ZNF407: variants seen among roughly 807,000 people sequenced by gnomAD.
ZNF407 encodes the protein zinc finger protein 407.
In ZNF407, 17 loss-of-function variants were observed where a neutral mutation model predicts 131.2. The observed-to-expected ratio is 0.13, with a 90% CI of 0.09 to 0.19. ZNF407 has a LOEUF of 0.19. ZNF407 is among the 10% of genes least tolerant of loss of function. The probability of loss-of-function intolerance (pLI) is 1.00; values close to 1 mark genes in which losing one functional copy is unlikely to be tolerated. For missense variants in ZNF407, 2,681 were observed against 2,830.6 expected, an observed-to-expected ratio of 0.95 and a Z score of 1.20; for synonymous variants, 1,156 against 1,062.0, an observed-to-expected ratio of 1.09 and a Z score of -1.72.
chr18:75,043,002 A>G (rs1973391589), intron 8 of ZNF407, among the ~76,000 whole-genome samples: 1 of 152,132 alleles, frequency 6.6e-6, no homozygotes, highest in African/African-American at 2.4e-5. Context: ...CCTACTGTCA[A>G]TGTTTGGCAA....
intron 8 of ZNF407, among the ~76,000 whole-genome samples, chr18:74,991,442 G>A (rs923535585): frequency 6.6e-6 from 1 of 152,112 alleles, no homozygotes; most frequent in Non-Finnish European, 1.5e-5. Flanking sequence ...ATAGCAATTA[G>A]GCCATTTTCT....
intron 3 of ZNF407, among the ~76,000 whole-genome samples, chr18:74,756,765 C>A (rs1968974041): frequency 6.6e-6 from 1 of 152,016 alleles, no homozygotes; most frequent in Non-Finnish European, 1.5e-5. Context: ...ACTCTTCATT[C>A]AGTTGCTTTA....
intron 8 of ZNF407, among the ~76,000 whole-genome samples, chr18:75,023,311 G>A (rs1459165638): frequency 6.6e-6 from 1 of 151,912 alleles, no homozygotes; most frequent in African/African-American, 2.4e-5. Flanking sequence ...TTACCACTTA[G>A]CATATGTCAT....
At chr18:74,938,058 C>T (rs576250303) in intron 8 of ZNF407, among the ~76,000 whole-genome samples, 1 of 152,282 alleles carries the variant, frequency 6.6e-6, no homozygotes, top group African/African-American at 2.4e-5. Flanking sequence ...CATTTTAATT[C>T]ATGACCTCTT....
chr18:74,881,242 G>A (rs1971234142), intron 6 of ZNF407, 123 bp downstream of exon 6: 5 of 745,372 alleles, frequency 6.7e-6, no homozygotes, highest in Non-Finnish European at 1.0e-5. Flanking sequence ...GCACTTGAAG[G>A]TCTACAGATA....
intron 4 of ZNF407, among the ~76,000 whole-genome samples, chr18:74,792,775 C>T (rs980636120): frequency 4.0e-5 from 6 of 151,894 alleles, no homozygotes; most frequent in African/African-American, 1.2e-4. Flanking sequence ...TTAGCTGAAA[C>T]GAAAAACAAT....
intron 8 of ZNF407, among the ~76,000 whole-genome samples, chr18:74,949,257 G>A (rs906273993): frequency 1.4e-4 from 21 of 152,146 alleles, no homozygotes; most frequent in African/African-American, 4.6e-4. Flanking sequence ...AAAGCCCTTC[G>A]AACTATGAGC....
At chr18:74,762,388 C>T (rs1216711539) in intron 3 of ZNF407, among the ~76,000 whole-genome samples, 3 of 151,876 alleles carry the variant, frequency 2.0e-5, no homozygotes, top group Non-Finnish European at 4.4e-5. Context: ...TTGTAAATGT[C>T]GTTTTTAACT....
chr18:74,839,945 T>G (rs943414447), intron 4 of ZNF407, among the ~76,000 whole-genome samples: 5 of 152,170 alleles, frequency 3.3e-5, no homozygotes, highest in African/African-American at 1.2e-4. Context: ...AGGAAGCAAG[T>G]GAAGAATTTC....
chr18:74,709,501 A>T (rs1967707247), intron 3 of ZNF407, among the ~76,000 whole-genome samples: 1 of 152,244 alleles, frequency 6.6e-6, no homozygotes, highest in Non-Finnish European at 1.5e-5. Flanking sequence ...TTAATGTACA[A>T]TGATTAAATG....
chr18:75,040,061 T>C (rs766715730), intron 8 of ZNF407, among the ~76,000 whole-genome samples: 2 of 152,142 alleles, frequency 1.3e-5, no homozygotes, highest in African/African-American at 2.4e-5. Context: ...GCCTTTAACT[T>C]CCTATAAACA....
chr18:75,041,450 C>T (rs545349686), intron 8 of ZNF407, among the ~76,000 whole-genome samples: 1 of 151,990 alleles, frequency 6.6e-6, no homozygotes, highest in Non-Finnish European at 1.5e-5. Context: ...CACACACACT[C>T]TCTCTCTCAC....
At chr18:75,020,196 ATAAAT>A (rs1454413209) in intron 8 of ZNF407, among the ~76,000 whole-genome samples, 2 of 152,176 alleles carry the variant, frequency 1.3e-5, no homozygotes, top group Non-Finnish European at 2.9e-5. Context: ...TGCGTAATTT[ATAAAT>A]TAAACTTTAT....
intron 2 of ZNF407, among the ~76,000 whole-genome samples, chr18:74,640,456 A>C (rs1366550657): frequency 6.6e-6 from 1 of 152,136 alleles, no homozygotes; most frequent in African/African-American, 2.4e-5. Flanking sequence ...ATATTTATAA[A>C]TTGTGTTATT....
intron 4 of ZNF407, among the ~76,000 whole-genome samples, chr18:74,781,729 G>C (rs979067686): frequency 6.6e-6 from 1 of 152,050 alleles, no homozygotes; most frequent in Non-Finnish European, 1.5e-5. Context: ...GGAGGACTTT[G>C]AATTTGTGAA....
At chr18:74,650,935 G>GTCTA (rs56006965) in intron 3 of ZNF407, among the ~76,000 whole-genome samples, 13,669 of 151,834 alleles carry the variant, frequency 0.09, 674 homozygotes, top group African/African-American at 0.13. Context: ...GTGTGTGTGT[G>GTCTA]TCTATCTATC....
intron 8 of ZNF407, among the ~76,000 whole-genome samples, chr18:74,930,067 C>A (rs1339392423): frequency 6.6e-6 from 1 of 152,168 alleles, no homozygotes; most frequent in African/African-American, 2.4e-5. Flanking sequence ...CAGAGTTTAT[C>A]ATTTTTCCAC....
intron 8 of ZNF407, among the ~76,000 whole-genome samples, chr18:75,033,883 C>T (rs1254673961): frequency 6.6e-6 from 1 of 152,116 alleles, no homozygotes; most frequent in Non-Finnish European, 1.5e-5. Flanking sequence ...TTCTCCTTTC[C>T]CTGACCCTCT....
At chr18:74,599,914 G>T (rs1373166777) in intron 1 of ZNF407, among the ~76,000 whole-genome samples, 6 of 152,144 alleles carry the variant, frequency 3.9e-5, no homozygotes, top group Non-Finnish European at 7.4e-5. Flanking sequence ...GTTGAGATTG[G>T]TTTTTTAGGA....
Sources: allele counts gnomAD v4.1 joint callset (sites outside exome capture counted in the v4.1 genomes callset), GRCh38; gene constraint gnomAD v4.1.1; transcripts MANE v1.5; gene names NCBI Gene and HGNC (gene_info 2026-07-23, HGNC 2026-07-21).